TNIK: variants seen among roughly 807,000 people sequenced by gnomAD.
The protein encoded by TNIK is TRAF2 and NCK-interacting protein kinase.
A neutral mutation model predicts 191.3 loss-of-function variants in TNIK; 49 were observed. The ratio of observed to expected loss-of-function variants is 0.26; its 90% CI spans 0.20 to 0.32. The LOEUF is 0.32. TNIK is among the 10% of genes least tolerant of loss of function. The pLI is 1.00. For synonymous variants in TNIK, 594 were observed against 600.9 expected, an observed-to-expected ratio of 0.99 and a Z score of 0.17; for missense variants, 1,155 against 1,702.3, an observed-to-expected ratio of 0.68 and a Z score of 5.66.
chr3:171,080,443 ATTTT>A (rs200622198), intron 27 of TNIK, among the ~76,000 whole-genome samples: 14,902 of 150,104 alleles, frequency 0.099, 846 homozygotes, highest in African/African-American at 0.14. Flanking sequence ...TTATTTATTT[ATTTT>A]TTTTTGAGAC....
intron 27 of TNIK, 132 bp downstream of exon 27, chr3:171,082,119 T>C: frequency 1.6e-6 from 2 of 1,248,612 alleles, no homozygotes. Context: ...GCAATCTCAC[T>C]CTGGCTATAC....
intron 2 of TNIK, among the ~76,000 whole-genome samples, chr3:171,344,010 C>G (rs1435383629): frequency 2.6e-5 from 4 of 152,200 alleles, no homozygotes; most frequent in African/African-American, 9.6e-5. Context: ...TTTCCTCCCT[C>G]CTTCCCATTG....
At chr3:171,183,658 C>CA (rs1217188683) in intron 7 of TNIK, among the ~76,000 whole-genome samples, 1 of 152,128 alleles carries the variant, frequency 6.6e-6, no homozygotes, top group Non-Finnish European at 1.5e-5. Flanking sequence ...TCCAGTGGCT[C>CA]ACGCTTGTAA....
intron 21 of TNIK, among the ~76,000 whole-genome samples, chr3:171,105,087 TA>T (rs1226177948): frequency 6.6e-6 from 1 of 152,198 alleles, no homozygotes; most frequent in African/African-American, 2.4e-5. Context: ...TTAATTTTTA[TA>T]AAAAGTTAAA....
intron 18 of TNIK, among the ~76,000 whole-genome samples, chr3:171,122,012 A>G (rs955797573): frequency 1.3e-5 from 2 of 152,198 alleles, no homozygotes; most frequent in Admixed American, 1.3e-4. Context: ...TGGATAAAGT[A>G]TAATATCCAA....
intron 32 of TNIK, 110 bp downstream of exon 32, chr3:171,066,077 T>C: frequency 1.5e-6 from 2 of 1,374,658 alleles, no homozygotes; most frequent in Non-Finnish European, 2.0e-6. Flanking sequence ...TAATATTGAT[T>C]GTTTAACACA....
At chr3:171,303,776 T>A (rs1753126609) in intron 2 of TNIK, among the ~76,000 whole-genome samples, 1 of 152,256 alleles carries the variant, frequency 6.6e-6, no homozygotes, top group Middle Eastern at 3.4e-3. Context: ...GAGTAAACAC[T>A]CTATACATAG....
intron 1 of TNIK, among the ~76,000 whole-genome samples, chr3:171,395,841 T>C (rs1450066307): frequency 6.6e-6 from 1 of 152,158 alleles, no homozygotes; most frequent in Non-Finnish European, 1.5e-5. Context: ...CATCTGACTG[T>C]CTTTCCCTGA....
At chr3:171,174,640 C>T (rs1240930261) in intron 9 of TNIK, among the ~76,000 whole-genome samples, 1 of 152,188 alleles carries the variant, frequency 6.6e-6, no homozygotes, top group Non-Finnish European at 1.5e-5. Context: ...TACCCTCACA[C>T]CACTCATACT....
intron 1 of TNIK, among the ~76,000 whole-genome samples, chr3:171,441,320 C>T (rs978297069): frequency 6.6e-6 from 1 of 152,326 alleles, no homozygotes; most frequent in East Asian, 1.9e-4. Flanking sequence ...TCCCTGTTTT[C>T]CTCTCCACCC....
intron 2 of TNIK, among the ~76,000 whole-genome samples, chr3:171,308,102 G>A (rs1753651999): frequency 6.6e-6 from 1 of 152,060 alleles, no homozygotes; most frequent in Non-Finnish European, 1.5e-5. Flanking sequence ...AACCAAAAAA[G>A]AGCCTGAGTA....
chr3:171,312,316 GAAA>G (rs975282179), intron 2 of TNIK, among the ~76,000 whole-genome samples: 3 of 151,610 alleles, frequency 2.0e-5, no homozygotes, highest in African/African-American at 7.3e-5. Flanking sequence ...AAAATTATCA[GAAA>G]AATATTATTT....
At chr3:171,370,382 A>T (rs1716322884) in intron 1 of TNIK, among the ~76,000 whole-genome samples, 1 of 152,244 alleles carries the variant, frequency 6.6e-6, no homozygotes, top group Non-Finnish European at 1.5e-5. Flanking sequence ...CACTAACCCC[A>T]GGAGTCAGCT....
intron 2 of TNIK, among the ~76,000 whole-genome samples, chr3:171,294,753 A>G (rs911767427): frequency 3.9e-5 from 6 of 152,172 alleles, no homozygotes; most frequent in African/African-American, 1.2e-4. Context: ...GAATGACAGT[A>G]TAAGTCATAT....
intron 18 of TNIK, among the ~76,000 whole-genome samples, chr3:171,113,967 G>A (rs142544878): frequency 8.4e-4 from 124 of 148,266 alleles, no homozygotes; most frequent in Non-Finnish European, 1.3e-3. Context: ...GTGGTGCTGG[G>A]AGGCAGCTGC....
intron 2 of TNIK, among the ~76,000 whole-genome samples, chr3:171,297,821 A>G (rs1752474134): frequency 6.6e-6 from 1 of 152,248 alleles, no homozygotes; most frequent in African/African-American, 2.4e-5. Context: ...ACCAGTTAAT[A>G]TCAACATCAG....
chr3:171,278,370 A>G (rs1477012123), intron 2 of TNIK, among the ~76,000 whole-genome samples: 1 of 152,184 alleles, frequency 6.6e-6, no homozygotes, highest in Non-Finnish European at 1.5e-5. Flanking sequence ...TTGTTTCTCA[A>G]TGTGGATATG....
At chr3:171,283,802 G>C (rs1319898334) in intron 2 of TNIK, among the ~76,000 whole-genome samples, 2 of 152,234 alleles carry the variant, frequency 1.3e-5, no homozygotes, top group East Asian at 3.8e-4. Flanking sequence ...AAGTCAGGCA[G>C]TGATGGCGCT....
chr3:171,316,686 G>A (rs1471563702), intron 2 of TNIK, among the ~76,000 whole-genome samples: 1 of 152,070 alleles, frequency 6.6e-6, no homozygotes, highest in Non-Finnish European at 1.5e-5. Flanking sequence ...GCTTTGTGGA[G>A]AAGGGAAATG....
Sources: allele counts gnomAD v4.1 joint callset (sites outside exome capture counted in the v4.1 genomes callset), GRCh38; gene constraint gnomAD v4.1.1; transcripts MANE v1.5; gene names NCBI Gene and HGNC (gene_info 2026-07-23, HGNC 2026-07-21).